SRRM4: variants seen among roughly 807,000 people sequenced by gnomAD.
SRRM4 encodes the protein serine/arginine repetitive matrix 4, also known as serine/arginine repetitive matrix protein 4.
SRRM4 carries 33 observed loss-of-function variants against 68.9 expected under a neutral mutation model. The observed-to-expected ratio is 0.48, with a 90% CI of 0.36 to 0.64. The LOEUF (loss-of-function observed/expected upper bound fraction) is 0.64, where lower values mean the gene tolerates loss of function less well. SRRM4 is among the 30% of genes least tolerant of loss of function. The pLI, the probability that SRRM4 is intolerant of heterozygous loss-of-function variation, is 0.00. For missense variants in SRRM4, 817 were observed against 827.1 expected, an observed-to-expected ratio of 0.99 and a Z score of 0.15; for synonymous variants, 318 against 318.8, an observed-to-expected ratio of 1.00 and a Z score of 0.03.
intron 1 of SRRM4, among the ~76,000 whole-genome samples, chr12:119,093,808 C>T (rs74922014): frequency 6.7e-4 from 102 of 152,328 alleles, no homozygotes; most frequent in African/African-American, 2.4e-3. Flanking sequence ...AGGCAGCCTG[C>T]ATTTTAGGCA....
chr12:119,096,853 T>G (rs1954048868), intron 1 of SRRM4, among the ~76,000 whole-genome samples: 1 of 152,168 alleles, frequency 6.6e-6, no homozygotes, highest in Non-Finnish European at 1.5e-5. Flanking sequence ...AGAGCTTTGA[T>G]GGGAAGCAGG....
intron 8 of SRRM4, among the ~76,000 whole-genome samples, chr12:119,131,838 A>G (rs6490240): frequency 0.13 from 20,354 of 152,184 alleles, 1,625 homozygotes; most frequent in African/African-American, 0.21. Context: ...TGCAGCAGGC[A>G]GCTGTGAAAG....
chr12:119,116,795 C>T, intron 3 of SRRM4, 142 bp from the exon 4 acceptor site: 2 of 582,838 alleles, frequency 3.4e-6, no homozygotes, highest in Non-Finnish European at 6.1e-6. Context: ...CAAATGCAAG[C>T]TAGTATCAGC....
At chr12:119,125,334 ACTCT>A (rs749932964) in intron 6 of SRRM4, 43 bp from the exon 7 acceptor site, 3 of 1,512,068 alleles carry the variant, frequency 2.0e-6, no homozygotes, top group Non-Finnish European at 1.8e-6. Context: ...TCCCTTTTTT[ACTCT>A]CTCTCTCCTC....
At chr12:119,095,974 A>AG (rs1288232216) in intron 1 of SRRM4, among the ~76,000 whole-genome samples, 15 of 151,268 alleles carry the variant, frequency 9.9e-5, no homozygotes, top group African/African-American at 3.4e-4. Flanking sequence ...AAAAAAAAAA[A>AG]AAAAGAAAAT....
At chr12:119,093,627 A>T (rs1489149925) in intron 1 of SRRM4, among the ~76,000 whole-genome samples, 2 of 151,994 alleles carry the variant, frequency 1.3e-5, no homozygotes, top group African/African-American at 4.8e-5. Context: ...CTGGAAGGAG[A>T]GATGATATTC....
chr12:119,081,764 A>G (rs1467918923), intron 1 of SRRM4, among the ~76,000 whole-genome samples: 1 of 152,254 alleles, frequency 6.6e-6, no homozygotes, highest in Non-Finnish European at 1.5e-5. Context: ...AGCCATGTAC[A>G]TGAGAGAAGT....
chr12:119,058,012 C>T (rs1445863745), intron 1 of SRRM4, among the ~76,000 whole-genome samples: 6 of 152,086 alleles, frequency 3.9e-5, no homozygotes, highest in Non-Finnish European at 8.8e-5. Context: ...GATTCTTGAC[C>T]TACAGATTTA....
chr12:119,063,735 T>C (rs1323542596), intron 1 of SRRM4, among the ~76,000 whole-genome samples: 2 of 152,156 alleles, frequency 1.3e-5, no homozygotes, highest in Non-Finnish European at 2.9e-5. Flanking sequence ...TGAGTAAGAG[T>C]GAAAGAGTGA....
intron 10 of SRRM4, among the ~76,000 whole-genome samples, chr12:119,153,030 T>C (rs1315422414): frequency 6.6e-6 from 1 of 152,166 alleles, no homozygotes; most frequent in Non-Finnish European, 1.5e-5. Context: ...ATCTATAAAA[T>C]GAAATTGATA....
rs763198674 is a variant in SRRM4 at position 119,102,190 on chromosome 12, CT to C, written c.132-45del. 7.2e-6 allele frequency: 11 copies of C among 1,535,774 alleles called. No individual in the cohort carries two copies. In the African/African-American group the frequency reaches 1.1e-4, roughly 15 times the overall value. On this transcript the variant is annotated intron_variant, in intron 1 of 12. Transcript: ENST00000267260. ...TGAATATTTAATGAACATTAAGTGT[CT>C]CTGTATATTCTAACACTTTTGTGTC...
In SRRM4 at chr12:119,159,637, A is replaced by G. The variant is rs1454579650; in HGVS notation, c.*2839A>G. On this transcript the variant is annotated 3_prime_UTR_variant, in exon 13 of 13. Transcript: ENST00000267260. ...GAAGATGCACCTTGATCTCACCCTC[A>G]CTCCAAGGCACATAGCAGGATCACT... The G allele has an allele frequency of 6.6e-6, 1 of 151,946 alleles. No individual in the cohort carries two copies. Among genetic ancestry groups the G allele is most frequent in the East Asian group, 1.9e-4 (1 of 5,154 alleles). The allele number at this position is 151,946 out of a possible 1,614,324, so 9.4% of individuals were successfully genotyped here.
intron 1 of SRRM4, among the ~76,000 whole-genome samples, chr12:119,100,571 TC>T (rs1395425556): frequency 2.6e-5 from 4 of 152,134 alleles, no homozygotes; most frequent in Non-Finnish European, 5.9e-5. Context: ...ATGTAAACAT[TC>T]CGTAATCACA....
At position 119,151,215 on chromosome 12, in the gene SRRM4, A is replaced by G; in HGVS notation, c.1275A>G (p.Glu425=). The change falls in exon 10 of 13, where the codon GAA becomes GAG. Residue 425 remains glutamate (E), a synonymous_variant. Coordinates refer to ENST00000267260, the MANE Select transcript of SRRM4 (RefSeq NM_194286.4). ...CCCAAAGCCGATCCACCTCTTCTGA[A>G]AAAAGGTGAGTGTGGTTTTGACCTT... ...RYTQSRSTSS[E]KRSYSRSPSY... 6.2e-7 allele frequency: 1 copy of G among 1,613,758 alleles called. No homozygotes were observed. The highest frequency in any genetic ancestry group is 8.5e-7 in the Non-Finnish European group (1 of 1,179,658).
chr12:119,148,568 C>T (rs748217272), intron 9 of SRRM4, among the ~76,000 whole-genome samples: 2 of 152,194 alleles, frequency 1.3e-5, no homozygotes, highest in Non-Finnish European at 2.9e-5. Flanking sequence ...ATAATCTTCC[C>T]GAGCTCCTCA....
intron 1 of SRRM4, among the ~76,000 whole-genome samples, chr12:119,100,076 A>C (rs2136041097): frequency 6.6e-6 from 1 of 152,266 alleles, no homozygotes; most frequent in South Asian, 2.1e-4. Flanking sequence ...TTAGTCCTGA[A>C]TCCTTCAAGT....
Position 119,158,967 on chromosome 12 carries a change from T to TTGTGTGTGTGTGTGTGTGTG in SRRM4, c.*2201_*2220dup, listed in dbSNP as rs57550768. 7.3e-6 allele frequency: 1 copy of TTGTGTGTGTGTGTGTGTGTG among 137,124 alleles called. No individual in the cohort carries two copies. The highest frequency in any genetic ancestry group is 7.2e-5 in the Admixed American group (1 of 13,820). 8.5% of individuals were successfully genotyped at this position (137,124 alleles called of 1,614,324 possible). A position where few individuals can be genotyped will look rare whatever the true frequency, so the allele number is the denominator to read the frequency against. On this transcript the variant is annotated 3_prime_UTR_variant, in exon 13 of 13. Transcript: ENST00000267260. Reference sequence around the variant, plus strand: ...TGAATTATTTATTTATACAGAGGTTTTGTGTGTGTGTGTGTGTGTGTGTGT... The same window carrying TTGTGTGTGTGTGTGTGTGTG: ...TGAATTATTTATTTATACAGAGGTTTTGTGTGTGTGTGTGTGTGTGTGTGTGTGTGTGTGTGTGTGTGTGT...
intron 8 of SRRM4, among the ~76,000 whole-genome samples, chr12:119,134,484 C>A (rs1954316689): frequency 6.6e-6 from 1 of 151,774 alleles, no homozygotes; most frequent in Non-Finnish European, 1.5e-5. Context: ...ATAGTGTGAT[C>A]ATTTTGTAAT....
At chr12:119,000,751 G>C (rs1034440093) in intron 1 of SRRM4, 1 of 147,490 alleles carries the variant, frequency 6.8e-6, no homozygotes, top group Non-Finnish European at 1.5e-5. Flanking sequence ...CAGCTAGAAA[G>C]GGAGGCATTT....
Sources: gnomAD v4.1 joint callset for allele counts (sites outside exome capture counted in the v4.1 genomes callset) on GRCh38, gnomAD v4.1.1 for gene constraint, MANE v1.5 for transcripts, NCBI Gene and HGNC (gene_info 2026-07-23, HGNC 2026-07-21) for gene names.